The following KIF13A variants were observed in gnomAD, a reference collection of about 807,000 sequenced individuals.
KIF13A encodes kinesin-like protein KIF13A.
In KIF13A, 79 loss-of-function variants were observed where a neutral mutation model predicts 212.2. The ratio of observed to expected loss-of-function variants is 0.37; its 90% CI spans 0.31 to 0.45. The LOEUF (loss-of-function observed/expected upper bound fraction) is 0.45. Ranked by LOEUF, KIF13A falls within the 20% of genes least tolerant of loss-of-function variation. The probability of loss-of-function intolerance (pLI) is 1.00; values close to 1 mark genes in which losing one functional copy is unlikely to be tolerated. For missense variants in KIF13A, 1,901 were observed against 2,209.0 expected (o/e 0.86, Z 2.79); for synonymous variants, 789 against 808.6 (o/e 0.98, Z 0.41).
intron 11 of KIF13A, 146 bp downstream of exon 11, chr6:17,836,732 G>T (rs554803559): frequency 1.5e-5 from 11 of 756,044 alleles, no homozygotes; most frequent in African/African-American, 8.6e-5. Context: ...TCCAACACTG[G>T]TGATTACAAT....
intron 25 of KIF13A, among the ~76,000 whole-genome samples, chr6:17,791,825 G>A (rs150321919): frequency 6.6e-6 from 1 of 151,020 alleles, no homozygotes; most frequent in African/African-American, 2.4e-5. Flanking sequence ...ACTTGAACCA[G>A]GGAGATGGAA....
intron 3 of KIF13A, among the ~76,000 whole-genome samples, chr6:17,876,619 G>C (rs1297372308): frequency 1.7e-5 from 2 of 120,346 alleles, no homozygotes; most frequent in Non-Finnish European, 3.5e-5. Context: ...GTGTGTGTGA[G>C]ACAGCATTCA....
intron 2 of KIF13A, among the ~76,000 whole-genome samples, chr6:17,943,001 A>C (rs1240642380): frequency 6.6e-6 from 1 of 152,060 alleles, no homozygotes; most frequent in Non-Finnish European, 1.5e-5. Flanking sequence ...CAAAAACAAA[A>C]ACAAAAAACA....
chr6:17,787,378 C>T lies in KIF13A; in HGVS notation c.3361+398G>A, dbSNP rs556587429. ...AGTTCACAAAACTAAACAGGCTGGGCGCAGTGGCTAACACCTGCAATTCCA... is the reference window on the plus strand; with the variant it reads ...AGTTCACAAAACTAAACAGGCTGGGTGCAGTGGCTAACACCTGCAATTCCA... On this transcript the variant is annotated intron_variant, in intron 27 of 38. Transcript: ENST00000259711. This position sits in a 1 kb window ranked among gnomAD's most constrained non-coding sequence, Gnocchi z 4.6. 1.7e-4 allele frequency among the ~76,000 whole-genome samples: 26 copies of T among 152,188 alleles called. No individual in the cohort carries two copies. The highest frequency in any genetic ancestry group is 7.7e-4 in the East Asian group (4 of 5,168).
intron 4 of KIF13A, among the ~76,000 whole-genome samples, chr6:17,865,417 G>T (rs79708608): frequency 3.9e-5 from 6 of 152,116 alleles, no homozygotes; most frequent in African/African-American, 1.4e-4. Context: ...CTTCTAAACA[G>T]GGCTGACAGG....
In KIF13A at chr6:17,817,078, G is replaced by A. The variant is rs1764014888; in HGVS notation, c.1942C>T (p.Arg648Cys). The stretch of plus-strand genomic sequence containing the variant: ...GCTGTCTGGCTGCTGTAGGCCAGGC[G>A]GTCAGGGCCGCTACTCTGTGGCTGC... ...DRQPQSSGPD[R>C]LAYSSQTAQQ... The change falls in exon 17 of 39, where the codon CGC becomes TGC. Residue 648 changes from arginine to cysteine, a missense_variant. Physicochemically the swap from Arg to Cys is radical, Grantham distance 180. Transcript: ENST00000259711. The A allele has an allele frequency of 5.6e-6, 9 of 1,613,594 alleles. No individual in the cohort carries two copies. Among genetic ancestry groups the A allele is most frequent in the African/African-American group, 4.0e-5 (3 of 74,926 alleles).
intron 16 of KIF13A, among the ~76,000 whole-genome samples, chr6:17,823,051 T>C (rs1764609180): frequency 6.6e-6 from 1 of 151,698 alleles, no homozygotes; most frequent in Admixed American, 6.6e-5. Flanking sequence ...TTTTTTTTTT[T>C]TGGAGACAGA....
At chr6:17,943,400 ATTTT>A (rs11311833) in intron 2 of KIF13A, among the ~76,000 whole-genome samples, 1 of 132,296 alleles carries the variant, frequency 7.6e-6, no homozygotes, top group African/African-American at 2.9e-5. Context: ...TAAAACACAG[ATTTT>A]TTTTTTTTTT....
At chr6:17,868,089 A>G (rs1390823296) in intron 4 of KIF13A, among the ~76,000 whole-genome samples, 1 of 152,272 alleles carries the variant, frequency 6.6e-6, no homozygotes, top group African/African-American at 2.4e-5. Flanking sequence ...ACATGGCTTC[A>G]GCACATTTGA....
chr6:17,877,060 G>A (rs1320560828), intron 3 of KIF13A, among the ~76,000 whole-genome samples: 1 of 147,824 alleles, frequency 6.8e-6, no homozygotes, highest in African/African-American at 2.5e-5. Flanking sequence ...TGTACTTAAT[G>A]GCATTAAGAT....
rs1346941168 is a variant in KIF13A, at chr6:17,843,762, G to C, written c.830+5615C>G. Among the ~76,000 whole-genome samples, 1 of 152,088 alleles carries C rather than the reference G, an allele frequency of 6.6e-6. No individual in the cohort carries two copies. Among genetic ancestry groups the C allele is most frequent in the Non-Finnish European group, 1.5e-5 (1 of 68,004 alleles). ...ATCCCTGGCTTTGAAATAATTAGTT[G>C]AGGCTGGGCACAGTGGCTCACGCCT... On this transcript the variant is annotated intron_variant, in intron 9 of 38. Coordinates refer to ENST00000259711, the MANE Select transcript of KIF13A (RefSeq NM_022113.6). This position sits in a 1 kb window ranked among gnomAD's most constrained non-coding sequence, Gnocchi z 5.3.
Position 17,885,115 on chromosome 6 carries a change from T to TA in KIF13A, c.160-11679dup, listed in dbSNP as rs35514465. 7.6e-3 allele frequency among the ~76,000 whole-genome samples: 1,133 copies of TA among 149,272 alleles called. 17 individuals carry two copies. The highest frequency in any genetic ancestry group is 0.023 in the African/African-American group (925 of 40,634). ...CTGATATCAAAGTTGTGAAGATTCA[T>TA]AAAAGAAAAAAAGGAAGAGTTAAAC... On this transcript the variant is annotated intron_variant, in intron 3 of 38. Transcript: ENST00000259711.
rs73723276 is a variant in KIF13A, at chr6:17,898,296, A to T, written c.147-116T>A. ...AAAATAAGGTAAATTCAGCACCTTG[A>T]TAACATGATCTGAAAGATATTCTTC... On this transcript the variant is annotated intron_variant, in intron 2 of 38. Coordinates refer to ENST00000259711, the MANE Select transcript of KIF13A (RefSeq NM_022113.6). The surrounding 1 kb of genome is among the most constrained non-coding windows in gnomAD (Gnocchi z 5.2). 6.9e-3 allele frequency: 6,356 copies of T among 923,148 alleles called. 295 individuals carry two copies. The African/African-American group carries it at 0.092, about 13-fold the overall frequency. 57.2% of individuals were successfully genotyped at this position (923,148 alleles called of 1,614,324 possible). A position where few individuals can be genotyped will look rare whatever the true frequency, so the allele number is the denominator to read the frequency against.
chr6:17,980,727 T>TTCA (rs1780992779), intron 2 of KIF13A, among the ~76,000 whole-genome samples: 1 of 152,196 alleles, frequency 6.6e-6, no homozygotes, highest in African/African-American at 2.4e-5. Flanking sequence ...AAAAGTTTTG[T>TTCA]ATGACAAGAA....
At position 17,950,819 on chromosome 6, in the gene KIF13A, T is replaced by C. The variant is rs1397273911; in HGVS notation, c.146+36235A>G. 6 of 979,184 alleles carry C rather than the reference T, an allele frequency of 6.1e-6. No homozygotes were observed. In the East Asian group the frequency reaches 5.7e-4, roughly 93 times the overall value. 60.7% of individuals were successfully genotyped at this position (979,184 alleles called of 1,614,324 possible). ...AGGACTTTTAAATCTTTCTTAATTT[T>C]GCATTTCTTAAAATAATTTCTCAAA... On this transcript the variant is annotated intron_variant, in intron 2 of 38. Transcript: ENST00000259711.
intron 3 of KIF13A, among the ~76,000 whole-genome samples, chr6:17,873,770 T>C (rs887363906): frequency 2.6e-5 from 4 of 151,954 alleles, no homozygotes; most frequent in Non-Finnish European, 4.4e-5. Context: ...AAAAAATTGT[T>C]GCAGACAGGA....
At chr6:17,877,723 T>C (rs1325571362) in intron 3 of KIF13A, among the ~76,000 whole-genome samples, 2 of 151,960 alleles carry the variant, frequency 1.3e-5, no homozygotes, top group African/African-American at 2.4e-5. Context: ...CCGGGCACTG[T>C]GCCCAAGCTT....
In KIF13A at chr6:17,773,607, A is replaced by G; in HGVS notation, c.4219-24T>C. ...CCCTACAAGGTAAAAATATGGGTTA[A>G]CTGTAATTGAATCACTCCAAAATAA... On this transcript the variant is annotated intron_variant, in intron 35 of 38. Coordinates refer to ENST00000259711, the MANE Select transcript of KIF13A (RefSeq NM_022113.6). This position sits in a 1 kb window ranked among gnomAD's most constrained non-coding sequence, Gnocchi z 4.2. 7.2e-7 allele frequency: 1 copy of G among 1,380,230 alleles called. No homozygotes were observed. 85.5% of individuals were successfully genotyped at this position (1,380,230 alleles called of 1,614,324 possible). A position where few individuals can be genotyped will look rare whatever the true frequency, so the allele number is the denominator to read the frequency against.
At chr6:17,779,166 G>C in intron 32 of KIF13A, 67 bp from the exon 33 acceptor site, 2 of 1,407,536 alleles carry the variant, frequency 1.4e-6, no homozygotes, top group African/African-American at 2.9e-5. Flanking sequence ...AGTGTGGTGA[G>C]AAAACGTTTT....
Sources: allele counts gnomAD v4.1 joint callset (sites outside exome capture counted in the v4.1 genomes callset), GRCh38; gene constraint gnomAD v4.1.1; non-coding constraint Gnocchi (gnomAD v3.1); transcripts MANE v1.5; gene names NCBI Gene and HGNC (gene_info 2026-07-23, HGNC 2026-07-21).